PRSS12: variants seen among roughly 807,000 people sequenced by gnomAD.
PRSS12 encodes neurotrypsin.
Under a neutral mutation model 104.4 loss-of-function variants are expected in PRSS12, and 85 were observed. The observed-to-expected ratio is 0.81, with a 90% CI of 0.68 to 0.98. The LOEUF is 0.98. Among genes scored for constraint, PRSS12 ranks in the 50% least tolerant of loss-of-function variants. PRSS12 has a pLI of 0.00. For synonymous variants in PRSS12, 454 were observed against 425.2 expected, an observed-to-expected ratio of 1.07 and a Z score of -0.83; for missense variants, 1,141 against 1,139.2, an observed-to-expected ratio of 1.00 and a Z score of -0.02.
At chr4:118,326,711 G>GA (rs1180117042) in intron 4 of PRSS12, among the ~76,000 whole-genome samples, 19 of 152,108 alleles carry the variant, frequency 1.2e-4, no homozygotes, top group African/African-American at 4.1e-4. Flanking sequence ...TAACATAACA[G>GA]AAAAAATCCT....
chr4:118,323,818 T>C (rs1029124591), intron 4 of PRSS12, among the ~76,000 whole-genome samples: 2 of 151,888 alleles, frequency 1.3e-5, no homozygotes, highest in Non-Finnish European at 2.9e-5. Context: ...TATATATATA[T>C]ATACACACAC....
In PRSS12 at chr4:118,298,733, C is replaced by T; in HGVS notation, c.1837G>A (p.Glu613Lys). The change falls in exon 9 of 13, where the codon GAG becomes AAG. Residue 613 changes from glutamate (E) to lysine (K), a missense_variant and splice_region_variant. Physicochemically the swap from Glu to Lys is moderately conservative, Grantham distance 56. Transcript: ENST00000296498. ...TTTAGGGCTCCAGAAGGTGACTTAC[C>T]TTTATTACTGTTACCTGAGGCCTTC... ...GKKASGNSNK[E>K]SLSSVCGLRL... 1 of 1,614,016 alleles carries T rather than the reference C, an allele frequency of 6.2e-7. No individual in the cohort carries two copies. The highest frequency in any genetic ancestry group is 8.5e-7 in the Non-Finnish European group (1 of 1,179,918).
Position 118,282,054 on chromosome 4 carries a change from C to G in PRSS12, c.2510G>C (p.Ser837Thr), listed in dbSNP as rs1370152183. 1 of 1,614,222 alleles carries G rather than the reference C, an allele frequency of 6.2e-7. No individual in the cohort carries two copies. The highest frequency in any genetic ancestry group is 2.2e-5 in the East Asian group (1 of 44,888). ...GPLMCERPGE[S>T]WVVYGVTSWG... is the part of the protein sequence containing the mutation. ...GGAGGTCACCCCATACACCACCCAG[C>G]TCTCTCCGGGCCGTTCACACATGAG... The change falls in exon 13 of 13, where the codon AGC (serine) becomes ACC (threonine). Residue 837 changes from serine to threonine, a missense_variant. Transcript: ENST00000296498.
chr4:118,352,773 G>C lies in PRSS12; in HGVS notation c.-53C>G. On this transcript the variant is annotated 5_prime_UTR_variant, in exon 1 of 13. Transcript: ENST00000296498. ...TGCTCCCCAGCTTCTCGGGCTTGGA[G>C]CGGAGAAGAGGAGGGGGCGGGGGCG... 1 of 1,605,854 alleles carries C rather than the reference G, an allele frequency of 6.2e-7. No individual in the cohort carries two copies. Among genetic ancestry groups the C allele is most frequent in the Non-Finnish European group, 8.5e-7 (1 of 1,177,244 alleles).
intron 1 of PRSS12, among the ~76,000 whole-genome samples, chr4:118,350,529 T>A (rs1451222165): frequency 6.6e-6 from 1 of 152,234 alleles, no homozygotes; most frequent in South Asian, 2.1e-4. Flanking sequence ...ATCTCCCATC[T>A]TGAGTGGTTT....
intron 11 of PRSS12, among the ~76,000 whole-genome samples, chr4:118,284,979 T>C (rs1157410406): frequency 6.6e-6 from 1 of 152,154 alleles, no homozygotes; most frequent in Non-Finnish European, 1.5e-5. Flanking sequence ...CTATTTAAAA[T>C]AAAACTTCCC....
chr4:118,327,199 C>T (rs1723796655), intron 4 of PRSS12, among the ~76,000 whole-genome samples: 1 of 152,058 alleles, frequency 6.6e-6, no homozygotes, highest in African/African-American at 2.4e-5. Flanking sequence ...CTGTCACCCA[C>T]GCTGGAGTGC....
rs141285212 is a variant in PRSS12 at position 118,346,977 on chromosome 4, GCA to G, written c.502+5240_502+5241del. 9.3e-4 allele frequency among the ~76,000 whole-genome samples: 139 copies of G among 150,180 alleles called. 1 individual carries two copies. Among genetic ancestry groups the G allele is most frequent in the African/African-American group, 2.8e-3 (116 of 41,010 alleles). ...CATGCGTGTGCATGCATGCACACAT[GCA>G]CACACACACACACAGACAGTGACCA... On this transcript the variant is annotated intron_variant, in intron 1 of 12. Transcript: ENST00000296498.
chr4:118,349,319 G>A (rs1724433125), intron 1 of PRSS12, among the ~76,000 whole-genome samples: 7 of 151,922 alleles, frequency 4.6e-5, no homozygotes. Context: ...CAGGAGAATC[G>A]TTTGAACCCA....
intron 8 of PRSS12, among the ~76,000 whole-genome samples, chr4:118,306,657 A>G (rs1299818914): frequency 5.3e-5 from 8 of 152,038 alleles, no homozygotes; most frequent in Non-Finnish European, 1.0e-4. Flanking sequence ...TGATCCAAAC[A>G]CCTCCTACCA....
intron 4 of PRSS12, among the ~76,000 whole-genome samples, chr4:118,320,712 C>T (rs1046929933): frequency 1.1e-4 from 16 of 152,058 alleles, no homozygotes; most frequent in African/African-American, 7.2e-5. Flanking sequence ...GTGATCATGC[C>T]ACTGCACTCC....
chr4:118,313,215 T>C lies in PRSS12; in HGVS notation c.1475A>G (p.His492Arg). 6.2e-7 allele frequency: 1 copy of C among 1,613,472 alleles called. No homozygotes were observed. Among genetic ancestry groups the C allele is most frequent in the Non-Finnish European group, 8.5e-7 (1 of 1,179,896 alleles). ...SIACYPGGEGHRLSLGFPVRL... is the reference protein window; with the variant it reads ...SIACYPGGEGRRLSLGFPVRL... ...CCAGTCCTCACCCAGAGAGAGCCTGTGTCCCTCGCCGCCAGGGTAGCAGGC... is the reference window on the plus strand; with the variant it reads ...CCAGTCCTCACCCAGAGAGAGCCTGCGTCCCTCGCCGCCAGGGTAGCAGGC... The change falls in exon 7 of 13, where the codon CAC (histidine) becomes CGC (arginine). Residue 492 changes from histidine to arginine, a missense_variant. Coordinates refer to ENST00000296498, the MANE Select transcript of PRSS12 (RefSeq NM_003619.4).
At chr4:118,305,159 T>G (rs913511603) in intron 8 of PRSS12, among the ~76,000 whole-genome samples, 2 of 150,852 alleles carry the variant, frequency 1.3e-5, no homozygotes, top group Non-Finnish European at 3.0e-5. Context: ...ACTGAAAATA[T>G]ACATATATGT....
chr4:118,295,768 G>A lies in PRSS12; in HGVS notation c.1916+10C>T, dbSNP rs1414518459. The A allele has an allele frequency of 1.2e-6, 2 of 1,607,038 alleles. No homozygotes were observed. Among genetic ancestry groups the A allele is most frequent in the African/African-American group, 1.3e-5 (1 of 74,740 alleles). On this transcript the variant is annotated intron_variant, in intron 10 of 12. Coordinates refer to ENST00000296498, the MANE Select transcript of PRSS12 (RefSeq NM_003619.4). ...GTAATATAAAAAATCTCTTTTGGAG[G>A]AACATTTACCTTAAAGAATTTTTCC...
At position 118,346,702 on chromosome 4, in the gene PRSS12, G is replaced by A. The variant is rs146377769; in HGVS notation, c.502+5517C>T. ...TCTGTATTTACAGCCACTCCCCATC[G>A]CTCACATTACCACCTGAGCTCTGCC... On this transcript the variant is annotated intron_variant, in intron 1 of 12. Transcript: ENST00000296498. 3.7e-3 allele frequency among the ~76,000 whole-genome samples: 559 copies of A among 152,152 alleles called. 5 individuals are homozygous for A. The highest frequency in any genetic ancestry group is 0.013 in the African/African-American group (523 of 41,524).
At chr4:118,311,048 CTCAA>C (rs1257674473) in intron 7 of PRSS12, among the ~76,000 whole-genome samples, 5 of 151,742 alleles carry the variant, frequency 3.3e-5, no homozygotes, top group South Asian at 2.1e-4. Flanking sequence ...GAGACTCTGT[CTCAA>C]TTAATTAATT....
chr4:118,326,433 C>T (rs1723773017), intron 4 of PRSS12, among the ~76,000 whole-genome samples: 1 of 152,138 alleles, frequency 6.6e-6, no homozygotes. Flanking sequence ...GAAACAGAGG[C>T]TCAAAAGTTA....
At chr4:118,282,804 G>T (rs1277029116) in intron 12 of PRSS12, 27 bp downstream of exon 12, 4 of 1,613,372 alleles carry the variant, frequency 2.5e-6, no homozygotes, top group Non-Finnish European at 3.4e-6. Flanking sequence ...ACAAAAAGGT[G>T]CCCTGCTTTT....
intron 1 of PRSS12, among the ~76,000 whole-genome samples, chr4:118,347,374 T>A (rs1235145199): frequency 6.6e-6 from 1 of 152,178 alleles, no homozygotes; most frequent in Non-Finnish European, 1.5e-5. Flanking sequence ...TTGGTCCACA[T>A]GTCCTCTATC....
Sources: gnomAD v4.1 joint callset for allele counts (sites outside exome capture counted in the v4.1 genomes callset) on GRCh38, gnomAD v4.1.1 for gene constraint, MANE v1.5 for transcripts, NCBI Gene and HGNC (gene_info 2026-07-23, HGNC 2026-07-21) for gene names.